LINGO2: variants seen among roughly 807,000 people sequenced by gnomAD.
LINGO2 encodes the protein leucine-rich repeat and immunoglobulin-like domain-containing nogo receptor-interacting protein 2.
A neutral mutation model predicts 30.6 loss-of-function variants in LINGO2; 14 were observed. The ratio of observed to expected loss-of-function variants is 0.46; its 90% CI spans 0.30 to 0.72. LINGO2 has a LOEUF of 0.72. Ranked by LOEUF, LINGO2 falls within the 30% of genes least tolerant of loss-of-function variation. LINGO2 has a pLI of 0.07. For synonymous variants in LINGO2, 317 were observed against 288.5 expected, an observed-to-expected ratio of 1.10 and a Z score of -1.00; for missense variants, 729 against 751.7, an observed-to-expected ratio of 0.97 and a Z score of 0.35.
chr9:28,388,658 C>G (rs918697606), intron 2 of LINGO2, among the ~76,000 whole-genome samples: 1 of 152,118 alleles, frequency 6.6e-6, no homozygotes, highest in African/African-American at 2.4e-5. Context: ...ATGAGGTTCA[C>G]AAGATATGAT....
chr9:28,528,760 G>GT (rs796225585), intron 1 of LINGO2, among the ~76,000 whole-genome samples: 2 of 150,176 alleles, frequency 1.3e-5, no homozygotes, highest in African/African-American at 4.9e-5. Context: ...CTGCAGCAAA[G>GT]GTGTGTGTGT....
chr9:28,498,035 G>C (rs1819715202), intron 1 of LINGO2, among the ~76,000 whole-genome samples: 1 of 152,144 alleles, frequency 6.6e-6, no homozygotes. Flanking sequence ...TCTCAGAGGG[G>C]TACCTGGCCA....
chr9:28,838,820 G>A, the LINGO2 span, among the ~76,000 whole-genome samples: 4 of 152,158 alleles, frequency 2.6e-5, no homozygotes, highest in African/African-American at 9.7e-5. Context: ...TACCAGCCCA[G>A]ATCCCATGCC....
At chr9:28,364,567 C>T (rs1820585420) in intron 3 of LINGO2, among the ~76,000 whole-genome samples, 1 of 152,194 alleles carries the variant, frequency 6.6e-6, no homozygotes, top group African/African-American at 2.4e-5. Context: ...TGTCTGCAAA[C>T]ATCATCACAC....
At chr9:28,219,604 C>T (rs1205704727) in intron 4 of LINGO2, among the ~76,000 whole-genome samples, 2 of 152,130 alleles carry the variant, frequency 1.3e-5, no homozygotes, top group African/African-American at 4.8e-5. Flanking sequence ...TCTGTTTTGG[C>T]AAATCAGTTT....
At chr9:28,705,374 C>T in the LINGO2 span, among the ~76,000 whole-genome samples, 1 of 151,878 alleles carries the variant, frequency 6.6e-6, no homozygotes, top group African/African-American at 2.4e-5. Context: ...GAGTTTGTGC[C>T]CCTGGACTGT....
chr9:28,816,542 C>A, the LINGO2 span, among the ~76,000 whole-genome samples: 1 of 152,122 alleles, frequency 6.6e-6, no homozygotes, highest in South Asian at 2.1e-4. Context: ...AAATAATACT[C>A]CTCATTCATA....
chr9:28,262,954 C>A (rs1483402503), intron 4 of LINGO2, among the ~76,000 whole-genome samples: 1 of 151,986 alleles, frequency 6.6e-6, no homozygotes, highest in Non-Finnish European at 1.5e-5. Flanking sequence ...AAGCTTACAA[C>A]ACACACATTT....
chr9:28,375,089 AAC>A (rs137914726), intron 2 of LINGO2, among the ~76,000 whole-genome samples: 5,794 of 141,580 alleles, frequency 0.041, 174 homozygotes, highest in East Asian at 0.11. Context: ...CACACCCCTT[AAC>A]ACACACACAC....
the LINGO2 span, among the ~76,000 whole-genome samples, chr9:29,010,375 G>A: frequency 6.6e-6 from 1 of 152,152 alleles, no homozygotes; most frequent in East Asian, 1.9e-4. Flanking sequence ...AAGAGAAGAT[G>A]TCCCAGAACT....
intron 3 of LINGO2, among the ~76,000 whole-genome samples, chr9:28,338,373 A>C (rs1036688928): frequency 6.6e-6 from 1 of 152,172 alleles, no homozygotes; most frequent in African/African-American, 2.4e-5. Context: ...TTACAGGCTT[A>C]TAGGTGGAAT....
chr9:28,618,652 C>A (rs1025875460), intron 1 of LINGO2, among the ~76,000 whole-genome samples: 1 of 152,120 alleles, frequency 6.6e-6, no homozygotes, highest in African/African-American at 2.4e-5. Flanking sequence ...TCCTTCTTAC[C>A]CATTATGATC....
the LINGO2 span, among the ~76,000 whole-genome samples, chr9:29,208,565 T>C: frequency 6.6e-6 from 1 of 152,146 alleles, no homozygotes; most frequent in East Asian, 1.9e-4. Flanking sequence ...AAATCCATGA[T>C]GCATTACTGA....
At chr9:28,057,123 G>T (rs917129004) in intron 4 of LINGO2, among the ~76,000 whole-genome samples, 3 of 152,036 alleles carry the variant, frequency 2.0e-5, no homozygotes, top group African/African-American at 7.2e-5. Flanking sequence ...AATGCAGTTA[G>T]ACCAAAAAGT....
the LINGO2 span, among the ~76,000 whole-genome samples, chr9:29,133,355 TAATC>T: frequency 6.6e-6 from 1 of 152,184 alleles, no homozygotes; most frequent in Non-Finnish European, 1.5e-5. Context: ...GTCCATATAA[TAATC>T]AACTGATTTC....
intron 4 of LINGO2, among the ~76,000 whole-genome samples, chr9:28,181,248 C>T (rs1459697187): frequency 6.6e-6 from 1 of 152,164 alleles, no homozygotes; most frequent in East Asian, 1.9e-4. Context: ...TTCCAGTAGG[C>T]ACCTACATTG....
the LINGO2 span, among the ~76,000 whole-genome samples, chr9:29,204,680 A>G: frequency 6.6e-6 from 1 of 152,194 alleles, no homozygotes; most frequent in South Asian, 2.1e-4. Context: ...TACTGCATGA[A>G]TATTCCAACA....
intron 4 of LINGO2, among the ~76,000 whole-genome samples, chr9:28,274,623 G>T (rs953732813): frequency 6.6e-6 from 1 of 152,146 alleles, no homozygotes; most frequent in Non-Finnish European, 1.5e-5. Flanking sequence ...TTATTTCTTT[G>T]TAGGCTATTC....
chr9:28,128,475 T>TAATTC (rs1827299046), intron 4 of LINGO2, among the ~76,000 whole-genome samples: 1 of 152,230 alleles, frequency 6.6e-6, no homozygotes, highest in African/African-American at 2.4e-5. Flanking sequence ...TAATTCTCCC[T>TAATTC]GCCTCTGTTT....
Sources: gnomAD v4.1 joint callset for allele counts (sites outside exome capture counted in the v4.1 genomes callset) on GRCh38, gnomAD v4.1.1 for gene constraint, MANE v1.5 for transcripts, NCBI Gene and HGNC (gene_info 2026-07-23, HGNC 2026-07-21) for gene names.